Variants in PTPN12 observed in about 807,000 individuals in gnomAD.
The protein encoded by PTPN12 is protein tyrosine phosphatase non-receptor type 12.
PTPN12 carries 29 observed loss-of-function variants against 97.6 expected under a neutral mutation model. The observed-to-expected ratio is 0.30, with a 90% CI of 0.22 to 0.41. PTPN12 has a LOEUF of 0.41. Among genes scored for constraint, PTPN12 ranks in the 10% least tolerant of loss-of-function variants. PTPN12 has a pLI of 1.00. For synonymous variants in PTPN12, 327 were observed against 300.4 expected, an observed-to-expected ratio of 1.09 and a Z score of -0.91; for missense variants, 819 against 926.0, an observed-to-expected ratio of 0.88 and a Z score of 1.50.
At position 77,637,024 on chromosome 7, in the gene PTPN12, A is replaced by G. The variant is rs773410973; in HGVS notation, c.2149A>G (p.Ile717Val). Reference sequence around the variant, plus strand: ...TTAAATGTCTTCCTCGTAGGGCTTGATAACCTCTGAAAATGAGAAATGTGG... The same window carrying G: ...TTAAATGTCTTCCTCGTAGGGCTTGGTAACCTCTGAAAATGAGAAATGTGG... Reference protein sequence around the residue: ...RSEQKKSEGLITSENEKCDHP... With the variant: ...RSEQKKSEGLVTSENEKCDHP... The change falls in exon 16 of 18, where the codon ATA becomes GTA. Residue 717 changes from isoleucine (I) to valine (V), a missense_variant. Ile to Val is a conservative substitution (Grantham distance 29). Transcript: ENST00000248594. 1.9e-6 allele frequency: 3 copies of G among 1,607,260 alleles called. No homozygotes were observed. In the East Asian group the frequency reaches 6.7e-5, roughly 36 times the overall value.
chr7:77,586,586 A>G (rs1256362066), intron 5 of PTPN12, among the ~76,000 whole-genome samples: 2 of 152,156 alleles, frequency 1.3e-5, no homozygotes, highest in Non-Finnish European at 2.9e-5. Flanking sequence ...ACCTATAAAA[A>G]CATAAAATAA....
chr7:77,634,090 C>T (rs1368057723), intron 14 of PTPN12, among the ~76,000 whole-genome samples: 1 of 151,986 alleles, frequency 6.6e-6, no homozygotes, highest in Admixed American at 6.6e-5. Flanking sequence ...GTCCTTGCTA[C>T]TCAGGAGGCT....
At chr7:77,583,941 A>T (rs1394539713) in intron 4 of PTPN12, 2 of 264,250 alleles carry the variant, frequency 7.6e-6, no homozygotes, top group African/African-American at 4.5e-5. Flanking sequence ...TAGTGCTCTA[A>T]TAGGTCAGTA....
At chr7:77,624,579 A>G (rs182929286) in intron 12 of PTPN12, among the ~76,000 whole-genome samples, 6 of 151,982 alleles carry the variant, frequency 3.9e-5, no homozygotes, top group Non-Finnish European at 7.4e-5. Flanking sequence ...AGCTGGGATT[A>G]CAGGCGCACG....
At chr7:77,625,528 TCACTCTCA>T (rs1789135309) in intron 12 of PTPN12, among the ~76,000 whole-genome samples, 8 of 107,406 alleles carry the variant, frequency 7.4e-5, no homozygotes, top group Non-Finnish European at 1.3e-4. Flanking sequence ...TCTCTCACTC[TCACTCTCA>T]CTCGCGCTCT....
intron 8 of PTPN12, chr7:77,606,781 G>A (rs1788387115): frequency 6.4e-6 from 1 of 156,322 alleles, no homozygotes; most frequent in African/African-American, 2.4e-5. Context: ...TGTACACACT[G>A]TAGACTCTAC....
At chr7:77,540,209 T>G (rs1396666315) in intron 1 of PTPN12, among the ~76,000 whole-genome samples, 1 of 151,762 alleles carries the variant, frequency 6.6e-6, no homozygotes, top group Non-Finnish European at 1.5e-5. Context: ...GGATTCCTAT[T>G]GGAGAGTTCA....
intron 5 of PTPN12, among the ~76,000 whole-genome samples, chr7:77,586,850 A>C (rs1787707441): frequency 6.6e-6 from 1 of 152,212 alleles, no homozygotes; most frequent in Admixed American, 6.5e-5. Flanking sequence ...AAGAAAGTAG[A>C]TTCCATCTCA....
At position 77,618,542 on chromosome 7, in the gene PTPN12, T is replaced by A; in HGVS notation, c.1002T>A (p.Pro334=). 3 of 1,607,698 alleles carry A rather than the reference T, an allele frequency of 1.9e-6. No individual in the cohort carries two copies. The highest frequency in any genetic ancestry group is 2.6e-6 in the Non-Finnish European group (3 of 1,174,990). Residue 334 remains proline (P), a synonymous_variant, in exon 12 of 18, where the codon CCT becomes CCA. Coordinates refer to ENST00000248594, the MANE Select transcript of PTPN12 (RefSeq NM_002835.4). ...SIEPEKQDSP[P]PKPPRTRSCL... ...AGCCTGAAAAACAAGATTCTCCTCC[T>A]CCAAAACCACCAAGGACCCGCAGGT...
chr7:77,566,150 T>A (rs1163178703), intron 1 of PTPN12, among the ~76,000 whole-genome samples: 1 of 152,192 alleles, frequency 6.6e-6, no homozygotes, highest in Non-Finnish European at 1.5e-5. Context: ...AACTTTGATA[T>A]TTAAGAAATG....
chr7:77,638,974 T>TAG, intron 17 of PTPN12: 1 of 755,434 alleles, frequency 1.3e-6, no homozygotes, highest in Non-Finnish European at 1.9e-6. Context: ...ATGGATATTT[T>TAG]TCTTACATTG....
In PTPN12 at chr7:77,583,667, T is replaced by C; in HGVS notation, c.381+17T>C. On this transcript the variant is annotated intron_variant, in intron 4 of 17. Coordinates refer to ENST00000248594, the MANE Select transcript of PTPN12 (RefSeq NM_002835.4). ...AATGTTGTGGTAAGTAATTTACTTT[T>C]CACAATAAATTTTGAGAAATACTTA... The C allele has an allele frequency of 6.8e-7, 1 of 1,470,736 alleles. No individual in the cohort carries two copies. Among genetic ancestry groups the C allele is most frequent in the Non-Finnish European group, 9.4e-7 (1 of 1,066,494 alleles). The allele number at this position is 1,470,736 out of a possible 1,614,324, so 91.1% of individuals were successfully genotyped here.
intron 1 of PTPN12, among the ~76,000 whole-genome samples, chr7:77,569,192 A>T (rs1003374216): frequency 1.3e-5 from 2 of 152,196 alleles, no homozygotes; most frequent in Non-Finnish European, 2.9e-5. Context: ...TCCAGAGATG[A>T]TATATGCATA....
intron 1 of PTPN12, among the ~76,000 whole-genome samples, chr7:77,539,994 A>G (rs1806877358): frequency 6.6e-6 from 1 of 151,984 alleles, no homozygotes; most frequent in Non-Finnish European, 1.5e-5. Context: ...CTAGTTTTTT[A>G]CCGTCTTACT....
In PTPN12 at chr7:77,539,915, G is replaced by C. The variant is rs954001921; in HGVS notation, c.99+2270G>C. Among the ~76,000 whole-genome samples the C allele has an allele frequency of 3.9e-5, 6 of 152,332 alleles. 1 individual carries two copies. The South Asian group carries it at 8.3e-4, about 21-fold the overall frequency. ...GCTGCTCTCGAACTCCTCATCTCAA[G>C]TGATCCATCTGCTTTGGCCTCCCAA... On this transcript the variant is annotated intron_variant, in intron 1 of 17. Coordinates refer to ENST00000248594, the MANE Select transcript of PTPN12 (RefSeq NM_002835.4).
Position 77,604,209 on chromosome 7 carries a change from C to CATTTTTT in PTPN12, c.696-3026_696-3025insATTTTTT, listed in dbSNP as rs1554320981. On this transcript the variant is annotated intron_variant, in intron 8 of 17. Coordinates refer to ENST00000248594, the MANE Select transcript of PTPN12 (RefSeq NM_002835.4). ...AGCCTTTGTTTGCATTTTTTTCTTCCTTTTTTTTTTTTTTTTTTTTTTTTG... is the reference window on the plus strand; with the variant it reads ...AGCCTTTGTTTGCATTTTTTTCTTCCATTTTTTTTTTTTTTTTTTTTTTTTTTTTTTG... Among the ~76,000 whole-genome samples, 169 of 52,810 alleles carry CATTTTTT rather than the reference C, an allele frequency of 3.2e-3. 3 individuals carry two copies. Among genetic ancestry groups the CATTTTTT allele is most frequent in the Admixed American group, 7.5e-3 (22 of 2,932 alleles). The allele number at this position is 52,810 out of a possible 152,430, so 34.6% of individuals were successfully genotyped here.
chr7:77,621,496 C>G (rs1285988489), intron 12 of PTPN12, among the ~76,000 whole-genome samples: 1 of 152,082 alleles, frequency 6.6e-6, no homozygotes, highest in East Asian at 1.9e-4. Context: ...TAGCGAAACC[C>G]TGTGTCTCCT....
Position 77,585,699 on chromosome 7 carries a change from T to C in PTPN12, c.420+118T>C, listed in dbSNP as rs554795626. On this transcript the variant is annotated intron_variant, in intron 5 of 17. Transcript: ENST00000248594. ...AGATACTTCTTTTATTTTGGGGTACTGCTGTTGCTTTTATTTCATACAAGG... is the reference window on the plus strand; with the variant it reads ...AGATACTTCTTTTATTTTGGGGTACCGCTGTTGCTTTTATTTCATACAAGG... The C allele has an allele frequency of 2.4e-5, 19 of 784,476 alleles. No homozygotes were observed. In the African/African-American group the frequency reaches 3.2e-4, roughly 13 times the overall value. The allele number at this position is 784,476 out of a possible 1,614,324, so 48.6% of individuals were successfully genotyped here.
intron 2 of PTPN12, among the ~76,000 whole-genome samples, chr7:77,574,972 C>G (rs1787292642): frequency 1.3e-5 from 2 of 151,858 alleles, no homozygotes; most frequent in South Asian, 2.1e-4. Flanking sequence ...GCTGGGATTA[C>G]AAGCACCTGC....
Sources: allele counts gnomAD v4.1 joint callset (sites outside exome capture counted in the v4.1 genomes callset), GRCh38; gene constraint gnomAD v4.1.1; transcripts MANE v1.5; gene names NCBI Gene and HGNC (gene_info 2026-07-23, HGNC 2026-07-21).